The following ANKRD30A variants were observed in gnomAD, a reference collection of about 807,000 sequenced individuals.
ANKRD30A encodes the protein ankyrin repeat domain 30A.
ANKRD30A carries 170 observed loss-of-function variants against 166.3 expected under a neutral mutation model. That is an observed-to-expected ratio of 1.02 (90% CI 0.90 to 1.16). The LOEUF (loss-of-function observed/expected upper bound fraction) is 1.16. Ranked by LOEUF, ANKRD30A falls within the 50% of genes most tolerant of loss-of-function variation. The pLI is 0.00. For missense variants in ANKRD30A, 1,630 were observed against 1,518.0 expected, an observed-to-expected ratio of 1.07 and a Z score of -1.23; for synonymous variants, 564 against 508.9, an observed-to-expected ratio of 1.11 and a Z score of -1.46.
At chr10:37,144,925 T>G in intron 7 of ANKRD30A, 70 bp from the exon 8 acceptor site, 1 of 796,474 alleles carries the variant, frequency 1.3e-6, no homozygotes, top group Non-Finnish European at 1.7e-6. Flanking sequence ...TGAAAATAGA[T>G]TTGTATATGT....
At chr10:37,257,999 A>G in the ANKRD30A span, among the ~76,000 whole-genome samples, 1 of 152,190 alleles carries the variant, frequency 6.6e-6, no homozygotes, top group Non-Finnish European at 1.5e-5. Flanking sequence ...GAGGATTATG[A>G]CAAATACCTA....
the ANKRD30A span, among the ~76,000 whole-genome samples, chr10:37,237,866 ATGT>A: frequency 2.6e-5 from 4 of 152,184 alleles, no homozygotes; most frequent in Non-Finnish European, 4.4e-5. Context: ...CAGGTACTGT[ATGT>A]GGTCTCTTGA....
intron 6 of ANKRD30A, among the ~76,000 whole-genome samples, chr10:37,140,966 C>T (rs958852705): frequency 2.6e-5 from 4 of 152,068 alleles, no homozygotes; most frequent in South Asian, 4.2e-4. Flanking sequence ...AACAGAATTT[C>T]GTAAAAAATG....
At chr10:37,200,428 G>A (rs1002860057) in intron 30 of ANKRD30A, among the ~76,000 whole-genome samples, 2 of 151,994 alleles carry the variant, frequency 1.3e-5, no homozygotes, top group Non-Finnish European at 1.5e-5. Context: ...GCAGCAGCAT[G>A]AGCGTCAAAT....
chr10:37,216,966 T>C (rs144166762), intron 32 of ANKRD30A, among the ~76,000 whole-genome samples: 129 of 151,174 alleles, frequency 8.5e-4, no homozygotes, highest in Non-Finnish European at 3.7e-4. Context: ...AAATGTATAA[T>C]AATTTATTAG....
At chr10:37,235,067 A>G (rs914310144), downstream of ANKRD30A, among the ~76,000 whole-genome samples, 1 of 152,178 alleles carries the variant, frequency 6.6e-6, no homozygotes. Flanking sequence ...AGTTATGGCA[A>G]TCATTCATAA....
intron 31 of ANKRD30A, among the ~76,000 whole-genome samples, chr10:37,213,746 T>G (rs1842467423): frequency 6.6e-6 from 1 of 151,688 alleles, no homozygotes; most frequent in Admixed American, 6.6e-5. Flanking sequence ...TTTTATTATT[T>G]TTGAACCAAC....
At chr10:37,233,944 C>T (rs909451906), downstream of ANKRD30A, among the ~76,000 whole-genome samples, 5 of 152,074 alleles carry the variant, frequency 3.3e-5, no homozygotes, top group African/African-American at 1.2e-4. Flanking sequence ...GTTAAAATAG[C>T]ATTGATACTG....
the ANKRD30A span, among the ~76,000 whole-genome samples, chr10:37,254,738 T>C: frequency 0.98 from 143,425 of 146,096 alleles, 70,457 homozygotes; most frequent in Middle Eastern, 1. Context: ...GGCTGGAGTG[T>C]GGTGACTTGA....
At chr10:37,143,910 A>G (rs1025868864) in intron 7 of ANKRD30A, among the ~76,000 whole-genome samples, 12 of 149,562 alleles carry the variant, frequency 8.0e-5, no homozygotes, top group African/African-American at 2.4e-4. Flanking sequence ...AGTTCATGCT[A>G]TAGTCTTTTT....
Position 37,197,492 on chromosome 10 carries a change from A to C in ANKRD30A, c.2716+12A>C. On this transcript the variant is annotated intron_variant, in intron 29 of 35. Transcript: ENST00000361713. Reference sequence around the variant, plus strand: ...AACATTGAGAGCAGGTACATTTTTCAATGTAACTATGCGAAGACCAATATT... The same window carrying C: ...AACATTGAGAGCAGGTACATTTTTCCATGTAACTATGCGAAGACCAATATT... The C allele has an allele frequency of 6.2e-7, 1 of 1,612,086 alleles. No homozygotes were observed. Among genetic ancestry groups the C allele is most frequent in the Non-Finnish European group, 8.5e-7 (1 of 1,179,640 alleles).
downstream of ANKRD30A, among the ~76,000 whole-genome samples, chr10:37,234,693 C>A (rs528897976): frequency 6.6e-6 from 1 of 152,250 alleles, no homozygotes; most frequent in Admixed American, 6.5e-5. Flanking sequence ...TTTTGGACTT[C>A]TGGTGCATTA....
intron 31 of ANKRD30A, among the ~76,000 whole-genome samples, chr10:37,206,533 T>TA (rs1439795613): frequency 6.6e-6 from 1 of 152,224 alleles, no homozygotes; most frequent in Non-Finnish European, 1.5e-5. Context: ...CTCATGCCTG[T>TA]AATCCCAGCA....
At chr10:37,165,030 A>G (rs1839202375) in intron 17 of ANKRD30A, 64 bp from the exon 18 acceptor site, 2 of 1,483,418 alleles carry the variant, frequency 1.3e-6, no homozygotes, top group Non-Finnish European at 9.4e-7. Context: ...AGATTTGTAT[A>G]TGTTTTTAAA....
chr10:37,162,571 A>G lies in ANKRD30A; in HGVS notation c.1901-78A>G, dbSNP rs41276122. On this transcript the variant is annotated intron_variant, in intron 15 of 35. Coordinates refer to ENST00000361713, the MANE Select transcript of ANKRD30A (RefSeq NM_052997.3). ...CAATTGGAGCAAGAGGAGTCAGTTA[A>G]ATACTATCACGGCATTCATTTGTGG... 1.5e-3 allele frequency: 2,311 copies of G among 1,572,386 alleles called. 24 individuals carry two copies. In the African/African-American group the frequency reaches 0.023, roughly 16 times the overall value.
intron 34 of ANKRD30A, among the ~76,000 whole-genome samples, chr10:37,224,723 C>T (rs1369311354): frequency 6.6e-6 from 1 of 151,426 alleles, no homozygotes; most frequent in Non-Finnish European, 1.5e-5. Context: ...ATGCCTTTCA[C>T]TTTGTTAGCA....
chr10:37,196,406 A>G (rs971362723), intron 27 of ANKRD30A, among the ~76,000 whole-genome samples: 32 of 152,056 alleles, frequency 2.1e-4, no homozygotes, highest in African/African-American at 7.5e-4. Flanking sequence ...AACTAAGAAC[A>G]TTGGGTTTAT....
intron 21 of ANKRD30A, among the ~76,000 whole-genome samples, chr10:37,171,402 G>C (rs1401403165): frequency 1.3e-5 from 2 of 148,586 alleles, no homozygotes; most frequent in African/African-American, 2.5e-5. Context: ...AATTGGAAAA[G>C]TCCTACTTTC....
chr10:37,211,078 C>G (rs1363857236), intron 31 of ANKRD30A, among the ~76,000 whole-genome samples: 1 of 151,774 alleles, frequency 6.6e-6, no homozygotes, highest in African/African-American at 2.4e-5. Flanking sequence ...AGGTTTTCTT[C>G]TAGGCTTTTT....
Sources: allele counts gnomAD v4.1 joint callset (sites outside exome capture counted in the v4.1 genomes callset), GRCh38; gene constraint gnomAD v4.1.1; transcripts MANE v1.5; gene names NCBI Gene and HGNC (gene_info 2026-07-23, HGNC 2026-07-21).